The following AHCYL2 variants were observed in gnomAD, a reference collection of about 807,000 sequenced individuals.
The protein encoded by AHCYL2 is S-adenosylhomocysteine hydrolase-like protein 2.
A neutral mutation model predicts 81.4 loss-of-function variants in AHCYL2; 28 were observed. The ratio of observed to expected loss-of-function variants is 0.34; its 90% confidence interval spans 0.25 to 0.47. The LOEUF (loss-of-function observed/expected upper bound fraction) is 0.47. Among genes scored for constraint, AHCYL2 ranks in the 20% least tolerant of loss-of-function variants. AHCYL2 has a pLI of 1.00. For missense variants in AHCYL2, 551 were observed against 785.1 expected, an observed-to-expected ratio of 0.70 and a Z score of 3.56; for synonymous variants, 272 against 290.2, an observed-to-expected ratio of 0.94 and a Z score of 0.64.
intron 1 of AHCYL2, among the ~76,000 whole-genome samples, chr7:129,276,258 A>G (rs746304757): frequency 6.6e-6 from 1 of 152,080 alleles, no homozygotes; most frequent in Non-Finnish European, 1.5e-5. Context: ...CACAAAGAAG[A>G]TGAGGGTAAG....
In AHCYL2 at chr7:129,425,102, CGCTATAAGCAGGATGTCTACCTGTT is replaced by C; in HGVS notation, c.1672_1696del (p.Tyr558ProfsTer20). 1.9e-6 allele frequency: 3 copies of C among 1,613,564 alleles called. No individual in the cohort carries two copies. The highest frequency in any genetic ancestry group is 2.5e-6 in the Non-Finnish European group (3 of 1,179,968). ...AGAGCTTTACAATGCTCCTGAGGGTCGCTATAAGCAGGATGTCTACCTGTTGCCCAAGAAGATGGGTAAGTATTTA... is the reference window on the plus strand; with the variant it reads ...AGAGCTTTACAATGCTCCTGAGGGTCGCCCAAGAAGATGGGTAAGTATTTA... On this transcript the variant is annotated frameshift_variant, in exon 15 of 17. Coordinates refer to ENST00000325006, the MANE Select transcript of AHCYL2 (RefSeq NM_015328.4). LOFTEE classifies it high-confidence loss of function.
chr7:129,403,860 C>CAAAAAAAAAAAAAAAAAAAA (rs34806455), intron 7 of AHCYL2, among the ~76,000 whole-genome samples: 9 of 80,210 alleles, frequency 1.1e-4, no homozygotes, highest in Admixed American at 4.4e-4. Flanking sequence ...GACTCCATCT[C>CAAAAAAAAAAAAAAAAAAAA]AAAAAAAAAA....
chr7:129,227,320 A>G (rs1794260085), intron 1 of AHCYL2, among the ~76,000 whole-genome samples: 3 of 151,996 alleles, frequency 2.0e-5, no homozygotes, highest in South Asian at 4.2e-4. Context: ...ACACAGTTCA[A>G]TATATTCTAT....
chr7:129,230,203 C>T (rs1031481766), intron 1 of AHCYL2, among the ~76,000 whole-genome samples: 3 of 151,344 alleles, frequency 2.0e-5, no homozygotes, highest in Non-Finnish European at 2.9e-5. Context: ...CTGTCTTGCC[C>T]TCCTGAGTAG....
intron 1 of AHCYL2, among the ~76,000 whole-genome samples, chr7:129,354,794 T>G (rs1235046833): frequency 6.6e-6 from 1 of 152,180 alleles, no homozygotes; most frequent in Non-Finnish European, 1.5e-5. Flanking sequence ...GAAGCAAAGT[T>G]GAAGTGATTT....
intron 1 of AHCYL2, among the ~76,000 whole-genome samples, chr7:129,329,903 T>C (rs535516021): frequency 6.6e-6 from 1 of 152,386 alleles, no homozygotes; most frequent in East Asian, 1.9e-4. Context: ...AGAATAGTTC[T>C]GAATAAGTAT....
chr7:129,293,758 CAT>C (rs1305092907), intron 1 of AHCYL2, among the ~76,000 whole-genome samples: 5 of 152,100 alleles, frequency 3.3e-5, no homozygotes, highest in African/African-American at 9.7e-5. Flanking sequence ...AGGGATCTAA[CAT>C]GTTCAAATTG....
At chr7:129,309,061 G>A (rs533937229) in intron 1 of AHCYL2, among the ~76,000 whole-genome samples, 70 of 151,752 alleles carry the variant, frequency 4.6e-4, no homozygotes, top group African/African-American at 1.5e-3. Flanking sequence ...GTGAAACCCC[G>A]TCTCTACTAA....
At chr7:129,309,858 A>AGACTTCTAC (rs1797589459) in intron 1 of AHCYL2, among the ~76,000 whole-genome samples, 2 of 151,888 alleles carry the variant, frequency 1.3e-5, no homozygotes, top group African/African-American at 4.8e-5. Context: ...CAGCTGTTAC[A>AGACTTCTAC]GACTTCTACT....
chr7:129,419,422 C>T lies in AHCYL2; in HGVS notation c.1462-3418C>T, dbSNP rs552683079. Among the ~76,000 whole-genome samples, 7 of 152,206 alleles carry T rather than the reference C, an allele frequency of 4.6e-5. 1 individual carries two copies. Among genetic ancestry groups the T allele is most frequent in the African/African-American group, 9.6e-5 (4 of 41,532 alleles). ...TACAAAAATTAGCTGGGCATGGTGGCGTGTGCCTGTAATCCCAGCTACTCA... is the reference window on the plus strand; with the variant it reads ...TACAAAAATTAGCTGGGCATGGTGGTGTGTGCCTGTAATCCCAGCTACTCA... On this transcript the variant is annotated intron_variant, in intron 12 of 16. Transcript: ENST00000325006. The surrounding 1 kb of genome is among the most constrained non-coding windows in gnomAD (Gnocchi z 4.7).
In AHCYL2 at chr7:129,426,970, A is replaced by G. The variant is rs1797392040; in HGVS notation, c.1830-69A>G. ...CTGCCTCCCTGTTACACCTTTAGGC[A>G]GGCTCTTCATGTCCCAGCATCCCCA... On this transcript the variant is annotated intron_variant, in intron 16 of 16. Transcript: ENST00000325006. This position sits in a 1 kb window ranked among gnomAD's most constrained non-coding sequence, Gnocchi z 4.3. 2 of 1,516,260 alleles carry G rather than the reference A, an allele frequency of 1.3e-6. No homozygotes were observed. The highest frequency in any genetic ancestry group is 1.8e-6 in the Non-Finnish European group (2 of 1,094,476). The allele number at this position is 1,516,260 out of a possible 1,614,324, so 93.9% of individuals were successfully genotyped here. A position where few individuals can be genotyped will look rare whatever the true frequency, so the allele number is the denominator to read the frequency against.
chr7:129,235,917 A>G (rs900581627), intron 1 of AHCYL2, among the ~76,000 whole-genome samples: 15 of 151,548 alleles, frequency 9.9e-5, no homozygotes, highest in African/African-American at 2.9e-4. Flanking sequence ...TTCTTTATAC[A>G]TGGTGCTGCA....
rs1794226628 is a variant in AHCYL2, at chr7:129,368,761, G to A, written c.364-10877G>A. The stretch of plus-strand genomic sequence containing the variant: ...CGAAGCTGGGAAAGGTGTGAGAGTT[G>A]CCTGGCCAGGGCTTGTTGCCTGGTC... On this transcript the variant is annotated intron_variant, in intron 1 of 16. Coordinates refer to ENST00000325006, the MANE Select transcript of AHCYL2 (RefSeq NM_015328.4). The surrounding 1 kb of genome is among the most constrained non-coding windows in gnomAD (Gnocchi z 4.4). 6.6e-6 allele frequency among the ~76,000 whole-genome samples: 1 copy of A among 152,162 alleles called. No individual in the cohort carries two copies. Among genetic ancestry groups the A allele is most frequent in the Non-Finnish European group, 1.5e-5 (1 of 68,016 alleles).
intron 4 of AHCYL2, among the ~76,000 whole-genome samples, chr7:129,392,173 A>G (rs1478287330): frequency 6.6e-6 from 1 of 151,796 alleles, no homozygotes; most frequent in African/African-American, 2.4e-5. Context: ...TCCACCCCAC[A>G]TTTTTTTCCT....
chr7:129,288,060 T>TA (rs1398149571), intron 1 of AHCYL2, among the ~76,000 whole-genome samples: 1 of 152,204 alleles, frequency 6.6e-6, no homozygotes, highest in East Asian at 1.9e-4. Flanking sequence ...TTTAATAGCA[T>TA]AAAAACCCAA....
chr7:129,244,468 T>C (rs1021651160), intron 1 of AHCYL2, among the ~76,000 whole-genome samples: 4 of 152,170 alleles, frequency 2.6e-5, no homozygotes, highest in African/African-American at 9.7e-5. Flanking sequence ...TGGAACTTGC[T>C]TTCTCATGGT....
intron 1 of AHCYL2, among the ~76,000 whole-genome samples, chr7:129,285,684 T>TTC (rs1423852295): frequency 2.7e-4 from 39 of 142,656 alleles, no homozygotes; most frequent in African/African-American, 9.5e-4. Flanking sequence ...TCTATTTTCT[T>TTC]TCTCTCTCTC....
At chr7:129,412,514 C>T (rs1044505357) in intron 11 of AHCYL2, among the ~76,000 whole-genome samples, 2 of 151,788 alleles carry the variant, frequency 1.3e-5, no homozygotes, top group Non-Finnish European at 2.9e-5. Context: ...CTCCTGAGCT[C>T]AGGCAATCCA....
chr7:129,368,409 T>C lies in AHCYL2; in HGVS notation c.364-11229T>C, dbSNP rs553484180. ...ACTTCTGAATCTCACTAGGGTTGGG[T>C]CTGCTTTGGGGCACTCAGATAACCC... On this transcript the variant is annotated intron_variant, in intron 1 of 16. Transcript: ENST00000325006. The surrounding 1 kb of genome is among the most constrained non-coding windows in gnomAD (Gnocchi z 4.4). 6 of 1,605,588 alleles carry C rather than the reference T, an allele frequency of 3.7e-6. No homozygotes were observed. The Admixed American group carries it at 1.0e-4, about 27-fold the overall frequency.
Sources: allele counts gnomAD v4.1 joint callset (sites outside exome capture counted in the v4.1 genomes callset), GRCh38; gene constraint gnomAD v4.1.1; non-coding constraint Gnocchi (gnomAD v3.1); transcripts MANE v1.5; gene names NCBI Gene and HGNC (gene_info 2026-07-23, HGNC 2026-07-21).